The following TMEM245 variants were observed in gnomAD, a reference collection of about 807,000 sequenced individuals.
TMEM245 encodes transmembrane protein 245, also known as protein CG-2.
Under a neutral mutation model 101.2 loss-of-function variants are expected in TMEM245, and 69 were observed. The ratio of observed to expected loss-of-function variants is 0.68; its 90% confidence interval spans 0.56 to 0.83. TMEM245 has a LOEUF of 0.83. TMEM245 is among the 40% of genes least tolerant of loss of function. TMEM245 has a pLI of 0.00. For missense variants in TMEM245, 1,075 were observed against 1,092.8 expected, an observed-to-expected ratio of 0.98 and a Z score of 0.23; for synonymous variants, 537 against 449.8, an observed-to-expected ratio of 1.19 and a Z score of -2.45.
chr9:109,045,556 T>C (rs1828464119), intron 14 of TMEM245, among the ~76,000 whole-genome samples: 1 of 152,242 alleles, frequency 6.6e-6, no homozygotes, highest in Non-Finnish European at 1.5e-5. Flanking sequence ...TGATTGTGGA[T>C]GCTTACTCTA....
At chr9:109,048,407 A>T (rs927008789) in intron 14 of TMEM245, among the ~76,000 whole-genome samples, 9 of 152,272 alleles carry the variant, frequency 5.9e-5, no homozygotes, top group African/African-American at 2.2e-4. Context: ...AAAATATACC[A>T]AGATCAATCA....
intron 16 of TMEM245, among the ~76,000 whole-genome samples, chr9:109,033,722 T>A (rs1418306361): frequency 1.3e-5 from 2 of 152,208 alleles, no homozygotes; most frequent in Non-Finnish European, 2.9e-5. Flanking sequence ...CATCTGCCTC[T>A]TTTTATAGCT....
At chr9:109,081,761 T>C (rs1023213411) in intron 7 of TMEM245, among the ~76,000 whole-genome samples, 57 of 152,332 alleles carry the variant, frequency 3.7e-4, no homozygotes, top group African/African-American at 1.3e-3. Context: ...CTATAATTGA[T>C]ATAATCAATG....
At position 109,067,303 on chromosome 9, in the gene TMEM245, A is replaced by C. The variant is rs1216878960; in HGVS notation, c.1533-2736T>G. 2.0e-5 allele frequency among the ~76,000 whole-genome samples: 3 copies of C among 152,144 alleles called. No homozygotes were observed. The East Asian group carries it at 5.8e-4, about 29-fold the overall frequency. ...GGGCCAGAAACACAGGAGCTGCCTTAGCTGGGCTGTACTCCGGCCTTACAC... is the reference window on the plus strand; with the variant it reads ...GGGCCAGAAACACAGGAGCTGCCTTCGCTGGGCTGTACTCCGGCCTTACAC... On this transcript the variant is annotated intron_variant, in intron 9 of 17. Coordinates refer to ENST00000374586, the MANE Select transcript of TMEM245 (RefSeq NM_032012.4).
At chr9:109,037,289 T>C (rs1564172995) in intron 15 of TMEM245, among the ~76,000 whole-genome samples, 2 of 152,184 alleles carry the variant, frequency 1.3e-5, no homozygotes, top group African/African-American at 4.8e-5. Context: ...AACAAGTTGC[T>C]CCCTGCCAAT....
At chr9:109,053,394 T>G (rs949502463) in intron 12 of TMEM245, among the ~76,000 whole-genome samples, 2 of 151,986 alleles carry the variant, frequency 1.3e-5, no homozygotes, top group African/African-American at 4.8e-5. Flanking sequence ...GCCACTGTAC[T>G]CCAGACTGGA....
intron 1 of TMEM245, among the ~76,000 whole-genome samples, chr9:109,117,710 T>A (rs1830763012): frequency 6.6e-6 from 1 of 152,254 alleles, no homozygotes. Context: ...CATGAAAATA[T>A]ACTATTTACA....
At chr9:109,075,451 CAT>C (rs1445210684) in intron 8 of TMEM245, among the ~76,000 whole-genome samples, 8 of 152,154 alleles carry the variant, frequency 5.3e-5, no homozygotes, top group African/African-American at 1.9e-4. Flanking sequence ...TTCTTCGCTA[CAT>C]GTTTGATAAA....
At chr9:109,109,565 C>A (rs1830515856) in intron 1 of TMEM245, among the ~76,000 whole-genome samples, 1 of 152,082 alleles carries the variant, frequency 6.6e-6, no homozygotes, top group Non-Finnish European at 1.5e-5. Flanking sequence ...TTGGTCAAAT[C>A]TATCAATACA....
intron 8 of TMEM245, among the ~76,000 whole-genome samples, chr9:109,076,525 T>A (rs985191376): frequency 2.0e-5 from 3 of 147,096 alleles, no homozygotes; most frequent in South Asian, 2.1e-4. Context: ...AAACTTAAAG[T>A]ATAATAAAAA....
intron 16 of TMEM245, among the ~76,000 whole-genome samples, chr9:109,035,551 A>G (rs987671842): frequency 3.9e-5 from 6 of 152,136 alleles, no homozygotes; most frequent in Non-Finnish European, 8.8e-5. Flanking sequence ...ACTTGCTGAG[A>G]TTTGGTTTCA....
rs374961745 is a variant in TMEM245 at position 109,038,050 on chromosome 9, T to C, written c.2191A>G (p.Met731Val). ...YGLYTWLTHTMFGINIVFIPS... is the reference protein window; with the variant it reads ...YGLYTWLTHTVFGINIVFIPS... ...ATGAAGACAATATTGATGCCAAACATAGTATGAGTCAGCCAGGTATACAAT... is the reference window on the plus strand; with the variant it reads ...ATGAAGACAATATTGATGCCAAACACAGTATGAGTCAGCCAGGTATACAAT... The change falls in exon 15 of 18, where the codon ATG becomes GTG. Residue 731 changes from methionine to valine, a missense_variant. Met to Val is a conservative substitution (Grantham distance 21). Around this residue, in one of 2 missense-constraint regions of TMEM245, gnomAD observed 267 missense variants for 351.3 expected, o/e 0.76. Coordinates refer to ENST00000374586, the MANE Select transcript of TMEM245 (RefSeq NM_032012.4). 2.7e-5 allele frequency: 44 copies of C among 1,612,916 alleles called. No individual in the cohort carries two copies. The highest frequency in any genetic ancestry group is 1.7e-4 in the African/African-American group (13 of 74,810).
intron 14 of TMEM245, among the ~76,000 whole-genome samples, chr9:109,040,760 A>G (rs936387817): frequency 1.3e-5 from 2 of 152,238 alleles, no homozygotes; most frequent in Admixed American, 1.3e-4. Flanking sequence ...ATTGTTGAGT[A>G]TATCAGTAGT....
chr9:109,045,518 A>G (rs923589183), intron 14 of TMEM245, among the ~76,000 whole-genome samples: 6 of 152,202 alleles, frequency 3.9e-5, no homozygotes, highest in African/African-American at 1.4e-4. Flanking sequence ...ACAGTAATAC[A>G]TGGTTTTGTG....
intron 8 of TMEM245, among the ~76,000 whole-genome samples, chr9:109,073,853 TTTG>T (rs1829408977): frequency 7.5e-6 from 1 of 133,506 alleles, no homozygotes; most frequent in Admixed American, 8.2e-5. Flanking sequence ...ACTTTTTTTT[TTTG>T]TTTTTTTTTT....
chr9:109,106,952 G>A lies in TMEM245; in HGVS notation c.698-343C>T, dbSNP rs372392400. On this transcript the variant is annotated intron_variant, in intron 2 of 17. Transcript: ENST00000374586. ...CTTCACCCCAGAATGACCAGAATTA[G>A]GCATAGATCTCAAAGCCATAAAGTC... is the stretch of plus-strand genomic sequence containing the variant. Among the ~76,000 whole-genome samples the A allele has an allele frequency of 9.2e-4, 140 of 152,172 alleles. 3 individuals are homozygous for A. In the South Asian group the frequency reaches 0.026, roughly 28 times the overall value.
Position 109,080,983 on chromosome 9 carries a change from T to C in TMEM245, c.1345-40A>G, listed in dbSNP as rs750071954. On this transcript the variant is annotated intron_variant, in intron 7 of 17. Coordinates refer to ENST00000374586, the MANE Select transcript of TMEM245 (RefSeq NM_032012.4). ...AAAAGAGAATTACTTATCTTTAAAG[T>C]AGAACTTTAAAAATACATATACTCA... 9.7e-5 allele frequency: 131 copies of C among 1,347,438 alleles called. 1 individual carries two copies. The East Asian group carries it at 2.4e-3, about 24-fold the overall frequency. The allele number at this position is 1,347,438 out of a possible 1,614,324, so 83.5% of individuals were successfully genotyped here.
intron 17 of TMEM245, among the ~76,000 whole-genome samples, chr9:109,024,518 T>C (rs1273301632): frequency 6.6e-6 from 1 of 152,190 alleles, no homozygotes; most frequent in Non-Finnish European, 1.5e-5. Context: ...AAACAATGAA[T>C]TAAACACACA....
chr9:109,098,101 GC>G (rs1449192628), intron 3 of TMEM245, among the ~76,000 whole-genome samples: 2 of 152,006 alleles, frequency 1.3e-5, no homozygotes, highest in Non-Finnish European at 2.9e-5. Flanking sequence ...TTATAGTATA[GC>G]CATCTATCTT....
Sources: allele counts gnomAD v4.1 joint callset (sites outside exome capture counted in the v4.1 genomes callset), GRCh38; gene constraint gnomAD v4.1.1; regional missense constraint gnomAD v4.1.1; transcripts MANE v1.5; gene names NCBI Gene and HGNC (gene_info 2026-07-23, HGNC 2026-07-21).